Variants in NRDC observed in about 807,000 individuals in gnomAD.
NRDC encodes the protein nardilysin convertase, also known as nardilysin.
Under a neutral mutation model 147.1 loss-of-function variants are expected in NRDC, and 54 were observed. That is an observed-to-expected ratio of 0.37 (90% CI 0.29 to 0.46). NRDC has a LOEUF of 0.46. Among genes scored for constraint, NRDC ranks in the 20% least tolerant of loss-of-function variants. The pLI, the probability that NRDC is intolerant of heterozygous loss-of-function variation, is 1.00. For missense variants in NRDC, 1,082 were observed against 1,370.6 expected (o/e 0.79, Z 3.33); for synonymous variants, 440 against 482.1 (o/e 0.91, Z 1.14).
Position 51,878,646 on chromosome 1 carries a change from G to A in NRDC, c.-31C>T. 6.4e-7 allele frequency: 1 copy of A among 1,570,938 alleles called. No homozygotes were observed. Among genetic ancestry groups the A allele is most frequent in the Admixed American group, 1.8e-5 (1 of 54,464 alleles). On this transcript the variant is annotated 5_prime_UTR_variant, in exon 1 of 31. Transcript: ENST00000352171. The stretch of plus-strand genomic sequence containing the variant: ...ACCAAGCTGGAGCGATGGACATCCC[G>A]CTTCCCAGGACCCACCTCCTCCGCG...
At chr1:51,817,861 A>G (rs924873883) in intron 10 of NRDC, among the ~76,000 whole-genome samples, 6 of 152,242 alleles carry the variant, frequency 3.9e-5, no homozygotes, top group Admixed American at 3.3e-4. Context: ...AAGAAAGGCC[A>G]CTATAACTGA....
At chr1:51,854,611 A>G (rs1370560368) in intron 1 of NRDC, among the ~76,000 whole-genome samples, 1 of 152,148 alleles carries the variant, frequency 6.6e-6, no homozygotes, top group African/African-American at 2.4e-5. Flanking sequence ...AACTTGATAA[A>G]CAAGCAGGTA....
rs573176854 is a variant in NRDC at position 51,849,536 on chromosome 1, G to A, written c.342-9022C>T. On this transcript the variant is annotated intron_variant, in intron 1 of 30. Coordinates refer to ENST00000352171, the MANE Select transcript of NRDC (RefSeq NM_001101662.2). ...TGCCAAGAACATTTTGAAAAAGATG[G>A]CCGGGCACGGTGGCTCACGCCTGTA... Among the ~76,000 whole-genome samples, 9 of 152,248 alleles carry A rather than the reference G, an allele frequency of 5.9e-5. No homozygotes were observed. The East Asian group carries it at 1.7e-3, about 29-fold the overall frequency.
At chr1:51,806,975 T>C in intron 17 of NRDC, 62 bp from the exon 18 acceptor site, 2 of 1,572,700 alleles carry the variant, frequency 1.3e-6, no homozygotes, top group Non-Finnish European at 1.7e-6. Flanking sequence ...AGTAATCTGT[T>C]ATTGGCTTCA....
In NRDC at chr1:51,818,047, T is replaced by C; in HGVS notation, c.1361+19A>G. On this transcript the variant is annotated intron_variant, in intron 10 of 30. Coordinates refer to ENST00000352171, the MANE Select transcript of NRDC (RefSeq NM_001101662.2). Reference sequence around the variant, plus strand: ...TCTCACTTGGTTCTAATGAAGTAAATTTTCCCTTAAACTCTTACCTGTAAT... The same window carrying C: ...TCTCACTTGGTTCTAATGAAGTAAACTTTCCCTTAAACTCTTACCTGTAAT... 6.3e-7 allele frequency: 1 copy of C among 1,590,858 alleles called. No individual in the cohort carries two copies. Among genetic ancestry groups the C allele is most frequent in the East Asian group, 2.2e-5 (1 of 44,604 alleles).
Position 51,874,130 on chromosome 1 carries a change from AT to A in NRDC, c.341+4144del, listed in dbSNP as rs577447256. Among the ~76,000 whole-genome samples, 10 of 148,426 alleles carry A rather than the reference AT, an allele frequency of 6.7e-5. No homozygotes were observed. The South Asian group carries it at 1.9e-3, about 29-fold the overall frequency. On this transcript the variant is annotated intron_variant, in intron 1 of 30. Transcript: ENST00000352171. ...CGATGAATTGAAATCCTGTCTCAAA[AT>A]TTTTTTTAATCATTAAAAAAAAAAA...
At chr1:51,849,417 A>AAAAAC (rs962657164) in intron 1 of NRDC, among the ~76,000 whole-genome samples, 1 of 151,854 alleles carries the variant, frequency 6.6e-6, no homozygotes. Flanking sequence ...TCCTTCTCAA[A>AAAAAC]AAAACAAAAC....
In NRDC at chr1:51,821,499, T is replaced by C; in HGVS notation, c.1216A>G (p.Asn406Asp). The change falls in exon 8 of 31, where the codon AAT becomes GAT. Residue 406 changes from asparagine (N) to aspartate (D), a missense_variant and splice_region_variant. Transcript: ENST00000352171. ...GATGTATGAAAATAAATATCTTACT[T>C]GTTTGGTATCTGAGAGAAGATTTCA... is the stretch of plus-strand genomic sequence containing the variant. ...VTEIFSQIPN[N>D]GLPRPNFGHL... is the part of the protein sequence containing the mutation. The C allele has an allele frequency of 6.3e-7, 1 of 1,586,422 alleles. No homozygotes were observed. The highest frequency in any genetic ancestry group is 8.7e-7 in the Non-Finnish European group (1 of 1,154,978).
At chr1:51,866,449 G>A (rs917669052) in intron 1 of NRDC, among the ~76,000 whole-genome samples, 3 of 151,922 alleles carry the variant, frequency 2.0e-5, no homozygotes, top group East Asian at 3.8e-4. Context: ...ATTCTCAAAC[G>A]TGTGCACAAG....
At chr1:51,876,878 A>G (rs577931163) in intron 1 of NRDC, among the ~76,000 whole-genome samples, 1 of 152,372 alleles carries the variant, frequency 6.6e-6, no homozygotes, top group Non-Finnish European at 1.5e-5. Context: ...AATTCACATA[A>G]GCAAGAAATT....
At chr1:51,876,274 A>C (rs912795897) in intron 1 of NRDC, among the ~76,000 whole-genome samples, 8 of 152,216 alleles carry the variant, frequency 5.3e-5, no homozygotes. Flanking sequence ...ATACAGGTTG[A>C]GTATCCTTTA....
intron 1 of NRDC, among the ~76,000 whole-genome samples, chr1:51,872,625 A>C (rs1174560270): frequency 1.3e-5 from 2 of 152,110 alleles, no homozygotes; most frequent in Non-Finnish European, 2.9e-5. Context: ...GATGGCTTGA[A>C]CCTGGGAGGT....
intron 10 of NRDC, among the ~76,000 whole-genome samples, chr1:51,817,437 A>AT (rs1359359568): frequency 2.6e-5 from 4 of 152,222 alleles, no homozygotes; most frequent in African/African-American, 7.2e-5. Context: ...CTCATATAAG[A>AT]TAACTATACA....
chr1:51,834,582 C>T (rs925664595), intron 3 of NRDC, among the ~76,000 whole-genome samples: 1 of 152,108 alleles, frequency 6.6e-6, no homozygotes, highest in African/African-American at 2.4e-5. Flanking sequence ...TCCCAAAGTG[C>T]TGGGATTACA....
chr1:51,807,932 A>T (rs1286625251), intron 17 of NRDC, among the ~76,000 whole-genome samples: 1 of 151,798 alleles, frequency 6.6e-6, no homozygotes, highest in Admixed American at 6.6e-5. Context: ...TAGCCTCCCA[A>T]ATAGCTGGGA....
chr1:51,795,047 C>CAGCT lies in NRDC; in HGVS notation c.2605-197_2605-194dup, dbSNP rs537301669. Reference sequence around the variant, plus strand: ...TTGATTGTGTTTGTGGAACACTAAGCAGCTCTTAACTGTTCTGGCTCTCTT... The same window carrying CAGCT: ...TTGATTGTGTTTGTGGAACACTAAGCAGCTAGCTCTTAACTGTTCTGGCTCTCTT... On this transcript the variant is annotated intron_variant, in intron 22 of 30. Coordinates refer to ENST00000352171, the MANE Select transcript of NRDC (RefSeq NM_001101662.2). 1.2e-4 allele frequency: 180 copies of CAGCT among 1,461,174 alleles called. No individual in the cohort carries two copies. The African/African-American group carries it at 2.4e-3, about 19-fold the overall frequency. The allele number at this position is 1,461,174 out of a possible 1,614,324, so 90.5% of individuals were successfully genotyped here.
chr1:51,878,680 G>T lies in NRDC; in HGVS notation c.-65C>A. ...GACCCACCTCCTCCGCGTTCTAGAG[G>T]CGGTGGCGGCCGGCCCTGGTGCTGC... On this transcript the variant is annotated 5_prime_UTR_variant, in exon 1 of 31. Coordinates refer to ENST00000352171, the MANE Select transcript of NRDC (RefSeq NM_001101662.2). 6.9e-7 allele frequency: 1 copy of T among 1,446,028 alleles called. No individual in the cohort carries two copies. Among genetic ancestry groups the T allele is most frequent in the Non-Finnish European group, 9.4e-7 (1 of 1,062,448 alleles). The allele number at this position is 1,446,028 out of a possible 1,614,324, so 89.6% of individuals were successfully genotyped here.
Position 51,789,639 on chromosome 1 carries a change from A to C in NRDC, c.3187T>G (p.Phe1063Val), listed in dbSNP as rs1411029368. 1.2e-6 allele frequency: 2 copies of C among 1,613,140 alleles called. No homozygotes were observed. Among genetic ancestry groups the C allele is most frequent in the Non-Finnish European group, 8.5e-7 (1 of 1,179,246 alleles). The stretch of plus-strand genomic sequence containing the variant: ...CAGTTGACCAGGTCTGATTTTGAGA[A>C]TGACTTCAGTGCTTCAATCTTACAA... The part of the protein sequence containing the change: ...LAHEIEALKS[F>V]SKSDLVNWFK... Residue 1063 changes from phenylalanine (F) to valine (V), a missense_variant, in exon 30 of 31, where the codon TTC becomes GTC. By Grantham distance (50) the Phe-to-Val change is conservative. Transcript: ENST00000352171.
rs1387432147 is a variant in NRDC, at chr1:51,805,568, G to GA, written c.2111-8dup. The GA allele has an allele frequency of 6.4e-7, 1 of 1,559,232 alleles. No homozygotes were observed. The highest frequency in any genetic ancestry group is 2.1e-5 in the Admixed American group (1 of 48,300). ...AGATGGAAACGTATATATGCTAAAA[G>GA]AAAAAAGACCATAGATAAAAAAGGT... is the stretch of plus-strand genomic sequence containing the variant. On this transcript the variant is annotated splice_region_variant and splice_polypyrimidine_tract_variant and intron_variant, in intron 18 of 30. Transcript: ENST00000352171.
Sources: gnomAD v4.1 joint callset for allele counts (sites outside exome capture counted in the v4.1 genomes callset) on GRCh38, gnomAD v4.1.1 for gene constraint, MANE v1.5 for transcripts, NCBI Gene and HGNC (gene_info 2026-07-23, HGNC 2026-07-21) for gene names.